Variants in KHDRBS2 observed in about 807,000 individuals in gnomAD.
KHDRBS2 encodes KH RNA binding domain containing, signal transduction associated 2.
Under a neutral mutation model 44.3 loss-of-function variants are expected in KHDRBS2, and 26 were observed. The observed-to-expected ratio is 0.59, with a 90% CI of 0.43 to 0.81. The LOEUF (loss-of-function observed/expected upper bound fraction) is 0.81, where lower values mean the gene tolerates loss of function less well. Among genes scored for constraint, KHDRBS2 ranks in the 40% least tolerant of loss-of-function variants. The pLI is 0.00. For synonymous variants in KHDRBS2, 194 were observed against 151.1 expected (o/e 1.28, Z -2.08); for missense variants, 476 against 433.1 (o/e 1.10, Z -0.88).
At chr6:61,932,680 T>G (rs905808564) in intron 4 of KHDRBS2, among the ~76,000 whole-genome samples, 1 of 152,018 alleles carries the variant, frequency 6.6e-6, no homozygotes, top group Non-Finnish European at 1.5e-5. Context: ...GGCACCTGTA[T>G]TCCCAGCTAC....
the KHDRBS2 span, among the ~76,000 whole-genome samples, chr6:61,551,388 T>C: frequency 6.6e-6 from 1 of 152,212 alleles, no homozygotes; most frequent in Non-Finnish European, 1.5e-5. Flanking sequence ...CATTTGCCAA[T>C]TTTTGCTTTT....
chr6:62,001,861 A>G (rs1778298278), intron 3 of KHDRBS2, among the ~76,000 whole-genome samples: 1 of 152,082 alleles, frequency 6.6e-6, no homozygotes, highest in South Asian at 2.1e-4. Flanking sequence ...TGACACATCT[A>G]TTTCATCTTT....
chr6:62,105,027 T>C (rs1164744551), intron 2 of KHDRBS2, among the ~76,000 whole-genome samples: 1 of 152,066 alleles, frequency 6.6e-6, no homozygotes, highest in Non-Finnish European at 1.5e-5. Flanking sequence ...TGTCTGTAAA[T>C]TGAAAACAGA....
intron 2 of KHDRBS2, among the ~76,000 whole-genome samples, chr6:62,123,095 C>T (rs182095895): frequency 3.1e-4 from 47 of 152,222 alleles, no homozygotes; most frequent in African/African-American, 8.4e-4. Context: ...GTTCCCTGCC[C>T]TGTGTCCATG....
intron 6 of KHDRBS2, among the ~76,000 whole-genome samples, chr6:61,843,809 T>A (rs1338519047): frequency 2.6e-5 from 4 of 152,220 alleles, no homozygotes; most frequent in African/African-American, 9.6e-5. Flanking sequence ...TATTAACCAC[T>A]ATTGTGCATT....
At chr6:62,146,617 G>T (rs560324162) in intron 2 of KHDRBS2, among the ~76,000 whole-genome samples, 1 of 151,640 alleles carries the variant, frequency 6.6e-6, no homozygotes, top group Non-Finnish European at 1.5e-5. Context: ...TACTGCCAAG[G>T]TCTCTTATCC....
At chr6:62,034,223 G>C (rs1375609351) in intron 3 of KHDRBS2, among the ~76,000 whole-genome samples, 2 of 151,788 alleles carry the variant, frequency 1.3e-5, no homozygotes, top group African/African-American at 2.4e-5. Context: ...GAACCCGATG[G>C]CTTTTACTGC....
intron 6 of KHDRBS2, among the ~76,000 whole-genome samples, chr6:61,872,462 A>G (rs1181295003): frequency 6.6e-6 from 1 of 152,164 alleles, no homozygotes; most frequent in African/African-American, 2.4e-5. Flanking sequence ...TTAAGTTGCT[A>G]TACAATACAT....
chr6:62,121,482 A>T (rs1562911564), intron 2 of KHDRBS2, among the ~76,000 whole-genome samples: 1 of 152,220 alleles, frequency 6.6e-6, no homozygotes, highest in Non-Finnish European at 1.5e-5. Context: ...CTACTATACC[A>T]GATGTGGTTT....
the KHDRBS2 span, among the ~76,000 whole-genome samples, chr6:61,597,362 C>A: frequency 6.6e-6 from 1 of 151,980 alleles, no homozygotes; most frequent in African/African-American, 2.4e-5. Context: ...TAAGGCGGAG[C>A]CCATTAATGA....
rs145417920 is a variant in KHDRBS2, at chr6:62,278,294, G to A, written c.91+7564C>T. On this transcript the variant is annotated intron_variant, in intron 1 of 8. Transcript: ENST00000281156. ...ATGATACTACACAGTTATTTCCAGG[G>A]GTTTCTAAAAACTACCTCCAAACCT... 1.2e-4 allele frequency among the ~76,000 whole-genome samples: 18 copies of A among 152,136 alleles called. No homozygotes were observed. The East Asian group carries it at 2.3e-3, about 20-fold the overall frequency.
intron 8 of KHDRBS2, among the ~76,000 whole-genome samples, chr6:61,683,553 C>T (rs1434328885): frequency 1.3e-5 from 2 of 151,736 alleles, no homozygotes; most frequent in Admixed American, 1.3e-4. Flanking sequence ...AAAACAGAAA[C>T]AGTTGAGCTA....
intron 7 of KHDRBS2, among the ~76,000 whole-genome samples, chr6:61,707,257 G>T (rs556500783): frequency 8.6e-5 from 13 of 151,720 alleles, no homozygotes; most frequent in Non-Finnish European, 1.3e-4. Context: ...TGCAGATGAG[G>T]TGGGGGATCA....
At chr6:61,784,698 C>G (rs138787868) in intron 6 of KHDRBS2, among the ~76,000 whole-genome samples, 8 of 152,102 alleles carry the variant, frequency 5.3e-5, no homozygotes, top group Admixed American at 5.3e-4. Context: ...AAATTTTTAC[C>G]TACAAATGAT....
intron 7 of KHDRBS2, among the ~76,000 whole-genome samples, chr6:61,718,151 T>C (rs1351233194): frequency 6.6e-6 from 1 of 152,000 alleles, no homozygotes; most frequent in African/African-American, 2.4e-5. Context: ...ACAAAATGAT[T>C]GTTAGCTATT....
intron 1 of KHDRBS2, among the ~76,000 whole-genome samples, chr6:62,243,687 G>T (rs1359225747): frequency 6.6e-6 from 1 of 151,782 alleles, no homozygotes; most frequent in African/African-American, 2.4e-5. Context: ...GAACTACTAG[G>T]AAAAGCATGG....
At chr6:61,590,041 G>T in the KHDRBS2 span, among the ~76,000 whole-genome samples, 3 of 152,028 alleles carry the variant, frequency 2.0e-5, no homozygotes, top group Non-Finnish European at 4.4e-5. Flanking sequence ...GCATCTGCTG[G>T]TAAAAAAAAA....
intron 4 of KHDRBS2, among the ~76,000 whole-genome samples, chr6:61,954,850 G>GTATATATA: frequency 2.3e-5 from 1 of 43,526 alleles, no homozygotes; most frequent in Middle Eastern, 0.05. Context: ...GTATACATAT[G>GTATATATA]CATGTGTATA....
At chr6:61,976,414 C>T (rs1772671519) in intron 4 of KHDRBS2, among the ~76,000 whole-genome samples, 8 of 152,010 alleles carry the variant, frequency 5.3e-5, no homozygotes. Flanking sequence ...GTATTACTGA[C>T]ATTTCTAATA....
Sources: gnomAD v4.1 joint callset for allele counts (sites outside exome capture counted in the v4.1 genomes callset) on GRCh38, gnomAD v4.1.1 for gene constraint, MANE v1.5 for transcripts, NCBI Gene and HGNC (gene_info 2026-07-23, HGNC 2026-07-21) for gene names.